The following CADM1 variants were observed in gnomAD, a reference collection of about 807,000 sequenced individuals.
CADM1 encodes cell adhesion molecule 1, also known as TSLC-1.
Under a neutral mutation model 53.1 loss-of-function variants are expected in CADM1, and 15 were observed. That is an observed-to-expected ratio of 0.28 (90% CI 0.19 to 0.44). The LOEUF is 0.44. CADM1 is among the 20% of genes least tolerant of loss of function. CADM1 has a pLI of 1.00. For missense variants in CADM1, 434 were observed against 611.3 expected (o/e 0.71, Z 3.06); for synonymous variants, 281 against 243.0 (o/e 1.16, Z -1.45).
At chr11:115,213,166 T>C (rs1275260582) in intron 7 of CADM1, among the ~76,000 whole-genome samples, 1 of 152,136 alleles carries the variant, frequency 6.6e-6, no homozygotes, top group Non-Finnish European at 1.5e-5. Context: ...GGGACTCCCA[T>C]GAGGCGCAGG....
chr11:115,251,079 T>C (rs1392345842), intron 1 of CADM1, among the ~76,000 whole-genome samples: 1 of 152,216 alleles, frequency 6.6e-6, no homozygotes, highest in East Asian at 1.9e-4. Context: ...GCAACCAGCA[T>C]GTTCCAATAT....
At chr11:115,455,118 ATTCTT>A (rs1376448298) in intron 1 of CADM1, among the ~76,000 whole-genome samples, 1 of 152,184 alleles carries the variant, frequency 6.6e-6, no homozygotes, top group African/African-American at 2.4e-5. Context: ...TATCAGATAC[ATTCTT>A]TTCTTTTTTC....
At chr11:115,239,032 A>G (rs1026754226) in intron 2 of CADM1, among the ~76,000 whole-genome samples, 1 of 152,124 alleles carries the variant, frequency 6.6e-6, no homozygotes, top group Non-Finnish European at 1.5e-5. Flanking sequence ...GCAGGTCATG[A>G]GTCCCCTGAA....
At chr11:115,230,700 G>A (rs551275551) in intron 4 of CADM1, among the ~76,000 whole-genome samples, 1 of 152,314 alleles carries the variant, frequency 6.6e-6, no homozygotes, top group Admixed American at 6.5e-5. Flanking sequence ...TGAAGGAGCT[G>A]CCTTGTACTG....
At position 115,389,206 on chromosome 11, in the gene CADM1, C is replaced by T. The variant is rs143891714; in HGVS notation, c.124+115065G>A. 4.6e-5 allele frequency among the ~76,000 whole-genome samples: 7 copies of T among 152,076 alleles called. No homozygotes were observed. In the East Asian group the frequency reaches 1.2e-3, roughly 25 times the overall value. On this transcript the variant is annotated intron_variant, in intron 1 of 11. Coordinates refer to ENST00000331581, the MANE Select transcript of CADM1 (RefSeq NM_001301043.2). ...AATGGAACAAAATGTCAATAAGAGG[C>T]GAATCCGTGTAAAATGAATACGGGT...
At position 115,400,577 on chromosome 11, in the gene CADM1, T is replaced by A. The variant is rs569613826; in HGVS notation, c.124+103694A>T. On this transcript the variant is annotated intron_variant, in intron 1 of 11. Coordinates refer to ENST00000331581, the MANE Select transcript of CADM1 (RefSeq NM_001301043.2). ...TATGGTGGTGATATATATATATATA[T>A]AATATATATATATATCTCTCATATA... 9.2e-4 allele frequency among the ~76,000 whole-genome samples: 129 copies of A among 140,956 alleles called. 1 individual carries two copies. In the South Asian group the frequency reaches 0.01, roughly 11 times the overall value. The allele number at this position is 140,956 out of a possible 152,430, so 92.5% of individuals were successfully genotyped here.
intron 9 of CADM1, among the ~76,000 whole-genome samples, chr11:115,194,737 T>G (rs1455649213): frequency 3.3e-5 from 5 of 151,934 alleles, no homozygotes; most frequent in Admixed American, 6.6e-5. Context: ...CTGACTGCAG[T>G]GCAGCAAAAG....
intron 1 of CADM1, among the ~76,000 whole-genome samples, chr11:115,423,431 GAACT>G (rs1226812370): frequency 1.3e-5 from 2 of 152,130 alleles, no homozygotes; most frequent in Non-Finnish European, 2.9e-5. Context: ...ACAAAACCCA[GAACT>G]AACTTTCTCC....
At position 115,341,070 on chromosome 11, in the gene CADM1, A is replaced by G. The variant is rs565710941; in HGVS notation, c.125-100650T>C. Among the ~76,000 whole-genome samples, 239 of 152,268 alleles carry G rather than the reference A, an allele frequency of 1.6e-3. 2 individuals carry two copies. The highest frequency in any genetic ancestry group is 5.7e-3 in the African/African-American group (235 of 41,558). On this transcript the variant is annotated intron_variant, in intron 1 of 11. Coordinates refer to ENST00000331581, the MANE Select transcript of CADM1 (RefSeq NM_001301043.2). ...CCAGGCCTACTTAAGAACTGATGAC[A>G]TCGTCGCATTCTAAAAAATTAAATT... is the stretch of plus-strand genomic sequence containing the variant.
chr11:115,178,538 C>T (rs965818067), intron 11 of CADM1, 106 bp downstream of exon 11: 14 of 1,007,292 alleles, frequency 1.4e-5, no homozygotes, highest in South Asian at 1.0e-4. Context: ...TCAGATAGGC[C>T]GTGTGGCCAC....
At chr11:115,498,516 C>G (rs1422167361) in intron 1 of CADM1, among the ~76,000 whole-genome samples, 1 of 152,206 alleles carries the variant, frequency 6.6e-6, no homozygotes, top group African/African-American at 2.4e-5. Flanking sequence ...GCGCACGCCA[C>G]AGTTGAGGGA....
At chr11:115,497,017 G>A (rs994388715) in intron 1 of CADM1, among the ~76,000 whole-genome samples, 6 of 152,152 alleles carry the variant, frequency 3.9e-5, no homozygotes, top group Admixed American at 2.6e-4. Flanking sequence ...TTTTCAGGCA[G>A]ATTCTTCCCA....
chr11:115,455,018 C>T (rs957916995), intron 1 of CADM1, among the ~76,000 whole-genome samples: 2 of 152,174 alleles, frequency 1.3e-5, no homozygotes, highest in African/African-American at 4.8e-5. Flanking sequence ...AACCTTCCTT[C>T]AATCCATAAT....
At chr11:115,469,573 C>T (rs1172572348) in intron 1 of CADM1, among the ~76,000 whole-genome samples, 1 of 151,902 alleles carries the variant, frequency 6.6e-6, no homozygotes, top group Non-Finnish European at 1.5e-5. Flanking sequence ...CCGTTTCAAA[C>T]TACTCTGCTA....
chr11:115,230,541 G>A lies in CADM1; in HGVS notation c.562+812C>T, dbSNP rs200819246. Among the ~76,000 whole-genome samples, 20 of 152,254 alleles carry A rather than the reference G, an allele frequency of 1.3e-4. No homozygotes were observed. In the East Asian group the frequency reaches 2.5e-3, roughly 19 times the overall value. ...GGAATCTCAATGCAGAAATACATGC[G>A]GAATTTAAGATAACTGGCAAAAAAT... On this transcript the variant is annotated intron_variant, in intron 4 of 11. Transcript: ENST00000331581.
chr11:115,445,158 T>A (rs1184241434), intron 1 of CADM1, among the ~76,000 whole-genome samples: 5 of 152,206 alleles, frequency 3.3e-5, no homozygotes, highest in Admixed American at 3.3e-4. Flanking sequence ...AGTATATGCC[T>A]TCCCTTTCAT....
intron 1 of CADM1, among the ~76,000 whole-genome samples, chr11:115,270,207 C>CA (rs1479057775): frequency 2.0e-5 from 3 of 152,174 alleles, no homozygotes; most frequent in Non-Finnish European, 4.4e-5. Flanking sequence ...GATTTCATAT[C>CA]AGACACTTTG....
chr11:115,468,808 T>C (rs1296249646), intron 1 of CADM1, among the ~76,000 whole-genome samples: 1 of 152,094 alleles, frequency 6.6e-6, no homozygotes, highest in Non-Finnish European at 1.5e-5. Context: ...AGGTAATTTA[T>C]AAAGAAAAAG....
At chr11:115,243,724 G>T (rs555737613) in intron 1 of CADM1, among the ~76,000 whole-genome samples, 1 of 152,144 alleles carries the variant, frequency 6.6e-6, no homozygotes, top group Non-Finnish European at 1.5e-5. Context: ...ATGACAATTA[G>T]GTAGCTACAA....
Sources: allele counts gnomAD v4.1 joint callset (sites outside exome capture counted in the v4.1 genomes callset), GRCh38; gene constraint gnomAD v4.1.1; transcripts MANE v1.5; gene names NCBI Gene and HGNC (gene_info 2026-07-23, HGNC 2026-07-21).